Variants in BRINP1 observed in about 807,000 individuals in gnomAD.
BRINP1 encodes BMP/retinoic acid inducible neural specific 1.
BRINP1 carries 17 observed loss-of-function variants against 72.9 expected under a neutral mutation model. The observed-to-expected ratio is 0.23, with a 90% CI of 0.16 to 0.35. The LOEUF (loss-of-function observed/expected upper bound fraction) is 0.35. Ranked by LOEUF, BRINP1 falls within the 10% of genes least tolerant of loss-of-function variation. The pLI, the probability that BRINP1 is intolerant of heterozygous loss-of-function variation, is 1.00. For missense variants in BRINP1, 850 were observed against 1,001.6 expected (o/e 0.85, Z 2.04); for synonymous variants, 418 against 378.5 (o/e 1.10, Z -1.21).
Position 119,248,972 on chromosome 9 carries a change from C to T in BRINP1, c.397G>A (p.Ala133Thr). Reference protein sequence around the residue: ...KKYGTHLLISATLGGEEALTM... With the variant: ...KKYGTHLLISTTLGGEEALTM... ...GCTGCTGACCTACCTCCCAATGTGG[C>T]TGAGATGAGCAGGTGGGTGCCGTAC... is the stretch of plus-strand genomic sequence containing the variant. The change falls in exon 3 of 8, where the codon GCC becomes ACC. Residue 133 changes from alanine (A) to threonine (T), a missense_variant. Physicochemically the swap from Ala to Thr is moderately conservative, Grantham distance 58. Transcript: ENST00000265922. 6.2e-7 allele frequency: 1 copy of T among 1,612,412 alleles called. No individual in the cohort carries two copies. The highest frequency in any genetic ancestry group is 8.5e-7 in the Non-Finnish European group (1 of 1,178,806).
chr9:119,209,755 A>C (rs1182164972), intron 6 of BRINP1, among the ~76,000 whole-genome samples: 1 of 152,214 alleles, frequency 6.6e-6, no homozygotes, highest in East Asian at 1.9e-4. Flanking sequence ...GTTGAAATGC[A>C]GGCAATTAGC....
At chr9:119,241,439 C>T (rs1448049225) in intron 4 of BRINP1, among the ~76,000 whole-genome samples, 1 of 152,178 alleles carries the variant, frequency 6.6e-6, no homozygotes, top group Non-Finnish European at 1.5e-5. Flanking sequence ...AATAGCAACA[C>T]AGGCCATACA....
intron 1 of BRINP1, among the ~76,000 whole-genome samples, chr9:119,331,919 T>C (rs772839546): frequency 6.6e-6 from 1 of 152,196 alleles, no homozygotes; most frequent in Non-Finnish European, 1.5e-5. Context: ...ATCTGCACTT[T>C]TAGTAAATTC....
chr9:119,321,570 G>A (rs888338657), intron 1 of BRINP1, among the ~76,000 whole-genome samples: 19 of 152,046 alleles, frequency 1.2e-4, no homozygotes, highest in Non-Finnish European at 2.2e-4. Flanking sequence ...CCAGCTCACC[G>A]CATCAGCGAT....
At chr9:119,242,986 T>C (rs541565485) in intron 3 of BRINP1, among the ~76,000 whole-genome samples, 1 of 152,142 alleles carries the variant, frequency 6.6e-6, no homozygotes, top group African/African-American at 2.4e-5. Context: ...TTTCTTTTTT[T>C]TTTTTTCATT....
chr9:119,327,809 T>C (rs2119009082), intron 1 of BRINP1, among the ~76,000 whole-genome samples: 1 of 152,118 alleles, frequency 6.6e-6, no homozygotes, highest in Middle Eastern at 3.4e-3. Flanking sequence ...AAGGAATGGG[T>C]TTTGAGTAAA....
At chr9:119,327,487 G>A (rs1473519681) in intron 1 of BRINP1, among the ~76,000 whole-genome samples, 7 of 152,182 alleles carry the variant, frequency 4.6e-5, no homozygotes, top group Non-Finnish European at 1.0e-4. Flanking sequence ...TGGGATCACA[G>A]GGAACCATGG....
chr9:119,199,387 A>G (rs1829780235), intron 7 of BRINP1, among the ~76,000 whole-genome samples: 1 of 152,192 alleles, frequency 6.6e-6, no homozygotes, highest in South Asian at 2.1e-4. Flanking sequence ...GACACCAATT[A>G]AACACTGTAT....
intron 1 of BRINP1, among the ~76,000 whole-genome samples, chr9:119,353,822 CTTTTTTTTTTTTTT>C (rs138900910): frequency 8.4e-4 from 26 of 30,962 alleles, no homozygotes; most frequent in African/African-American, 2.8e-3. Flanking sequence ...GTTTTGAGCA[CTTTTTTTTTTTTTT>C]TTTTTTTTTT....
intron 5 of BRINP1, among the ~76,000 whole-genome samples, chr9:119,215,244 A>T (rs1829966433): frequency 6.6e-6 from 1 of 152,144 alleles, no homozygotes; most frequent in African/African-American, 2.4e-5. Context: ...CTCTCTTTAT[A>T]CTTGAATATT....
At chr9:119,273,443 C>T (rs944921262) in intron 2 of BRINP1, among the ~76,000 whole-genome samples, 5 of 151,820 alleles carry the variant, frequency 3.3e-5, no homozygotes, top group African/African-American at 9.7e-5. Context: ...TGTGAGGATT[C>T]GAGTCAGTAA....
chr9:119,218,091 G>C (rs1388300787), intron 5 of BRINP1, among the ~76,000 whole-genome samples: 1 of 151,940 alleles, frequency 6.6e-6, no homozygotes. Context: ...ATCCCCATTA[G>C]AGAGTAGGCT....
At chr9:119,318,844 G>GGGTGT (rs111313745) in intron 1 of BRINP1, among the ~76,000 whole-genome samples, 3,828 of 142,212 alleles carry the variant, frequency 0.027, 55 homozygotes, top group African/African-American at 0.038. Flanking sequence ...AAATGTGTGG[G>GGGTGT]GTGTGTGTGT....
chr9:119,280,404 A>ATTT (rs547288880), intron 2 of BRINP1, among the ~76,000 whole-genome samples: 189 of 142,096 alleles, frequency 1.3e-3, no homozygotes, highest in African/African-American at 2.5e-3. Flanking sequence ...ACACCCAGCT[A>ATTT]TTTTTTTTTT....
At chr9:119,204,475 G>C (rs980506512) in intron 7 of BRINP1, among the ~76,000 whole-genome samples, 4 of 151,984 alleles carry the variant, frequency 2.6e-5, no homozygotes, top group African/African-American at 9.7e-5. Context: ...AACATTTATT[G>C]ACCTTGTGTA....
intron 2 of BRINP1, among the ~76,000 whole-genome samples, chr9:119,278,991 T>C (rs1419670924): frequency 6.6e-6 from 1 of 152,040 alleles, no homozygotes; most frequent in African/African-American, 2.4e-5. Context: ...AGAAAGCAGA[T>C]ATAATACTTT....
intron 7 of BRINP1, among the ~76,000 whole-genome samples, chr9:119,190,209 A>G (rs1193670813): frequency 1.3e-5 from 2 of 151,952 alleles, no homozygotes; most frequent in Non-Finnish European, 2.9e-5. Flanking sequence ...TAAATAATAA[A>G]CAAGAAGAAA....
At chr9:119,232,862 T>C (rs1449123534) in intron 5 of BRINP1, among the ~76,000 whole-genome samples, 5 of 151,962 alleles carry the variant, frequency 3.3e-5, no homozygotes, top group Non-Finnish European at 7.4e-5. Flanking sequence ...AAACATTCAA[T>C]GGGCTTCTTG....
At chr9:119,209,233 T>C (rs1366485294) in intron 6 of BRINP1, among the ~76,000 whole-genome samples, 2 of 152,230 alleles carry the variant, frequency 1.3e-5, no homozygotes, top group Non-Finnish European at 2.9e-5. Flanking sequence ...TATTATTACA[T>C]TTACTTAACA....
Sources: allele counts gnomAD v4.1 joint callset (sites outside exome capture counted in the v4.1 genomes callset), GRCh38; gene constraint gnomAD v4.1.1; transcripts MANE v1.5; gene names NCBI Gene and HGNC (gene_info 2026-07-23, HGNC 2026-07-21).